The following ATG7 variants were observed in gnomAD, a reference collection of about 807,000 sequenced individuals.
The protein encoded by ATG7 is ubiquitin-like modifier-activating enzyme ATG7.
Under a neutral mutation model 82.4 loss-of-function variants are expected in ATG7, and 70 were observed. That is an observed-to-expected ratio of 0.85 (90% confidence interval 0.70 to 1.04). The LOEUF (loss-of-function observed/expected upper bound fraction) is 1.04, where lower values mean the gene tolerates loss of function less well. Among genes scored for constraint, ATG7 ranks in the 50% least tolerant of loss-of-function variants. The pLI, the probability that ATG7 is intolerant of heterozygous loss-of-function variation, is 0.00. For synonymous variants in ATG7, 287 were observed against 313.0 expected, an observed-to-expected ratio of 0.92 and a Z score of 0.88; for missense variants, 792 against 864.3, an observed-to-expected ratio of 0.92 and a Z score of 1.05.
chr3:11,410,697 G>C (rs1314606171), intron 19 of ATG7, among the ~76,000 whole-genome samples: 18 of 152,106 alleles, frequency 1.2e-4, no homozygotes, highest in Admixed American at 1.2e-3. Flanking sequence ...TTAGTATAAT[G>C]CTCTCAAAGT....
At chr3:11,457,892 C>G (rs866773233) in intron 20 of ATG7, among the ~76,000 whole-genome samples, 2 of 152,144 alleles carry the variant, frequency 1.3e-5, no homozygotes, top group Non-Finnish European at 2.9e-5. Flanking sequence ...ATAATATACC[C>G]TCAGGACCGG....
chr3:11,446,559 C>A, intron 20 of ATG7: 1 of 429,934 alleles, frequency 2.3e-6, no homozygotes, highest in South Asian at 1.7e-5. Context: ...AACACACATC[C>A]AATGACAGTG....
chr3:11,492,866 G>A (rs1293221568), intron 20 of ATG7, among the ~76,000 whole-genome samples: 1 of 152,260 alleles, frequency 6.6e-6, no homozygotes, highest in East Asian at 1.9e-4. Flanking sequence ...AGACCCCACG[G>A]CAGTGTCCAG....
rs548352848 is a variant in ATG7, at chr3:11,286,402, G to A, written c.-11+3964G>A. 2.2e-4 allele frequency among the ~76,000 whole-genome samples: 34 copies of A among 152,174 alleles called. No homozygotes were observed. The South Asian group carries it at 5.8e-3, about 26-fold the overall frequency. On this transcript the variant is annotated intron_variant, in intron 3 of 20. Transcript: ENST00000693202. ...GACCTAAGTTATATGGCATATCGTCGTATGTTCTTCATGATTCCTTACTCC... is the reference window on the plus strand; with the variant it reads ...GACCTAAGTTATATGGCATATCGTCATATGTTCTTCATGATTCCTTACTCC...
At chr3:11,345,810 T>C (rs536537762) in intron 13 of ATG7, among the ~76,000 whole-genome samples, 4 of 152,198 alleles carry the variant, frequency 2.6e-5, no homozygotes, top group Non-Finnish European at 5.9e-5. Context: ...TTACTGTCTT[T>C]TTCTAGGTTC....
At chr3:11,378,402 G>A in intron 18 of ATG7, among the ~76,000 whole-genome samples, 1 of 151,306 alleles carries the variant, frequency 6.6e-6, no homozygotes, top group East Asian at 2.0e-4. Flanking sequence ...ATAAATTCGG[G>A]CTGGGCGCGG....
At chr3:11,569,036 C>G in the ATG7 span, 265 of 728,394 alleles carry the variant, frequency 3.6e-4, 1 homozygote, top group African/African-American at 3.9e-3. Flanking sequence ...GCCACACGCT[C>G]TCTAAGCTAA....
chr3:11,542,358 GAGACCTAGAGCAGC>G (rs895495028), intron 20 of ATG7, among the ~76,000 whole-genome samples: 10 of 152,246 alleles, frequency 6.6e-5, no homozygotes, highest in Non-Finnish European at 1.0e-4. Context: ...ATAAGAGGGG[GAGACCTAGAGCAGC>G]CTGTCGCTGT....
At chr3:11,273,354 T>C (rs1337917006) in intron 1 of ATG7, among the ~76,000 whole-genome samples, 2 of 152,184 alleles carry the variant, frequency 1.3e-5, no homozygotes, top group East Asian at 1.9e-4. Context: ...GTTGCTCCTG[T>C]TTGGTCCTCC....
intron 20 of ATG7, among the ~76,000 whole-genome samples, chr3:11,532,646 C>T (rs921884382): frequency 8.5e-5 from 13 of 152,156 alleles, no homozygotes; most frequent in African/African-American, 2.9e-4. Flanking sequence ...CTGCTTGAGT[C>T]CCCAAGGCCG....
At chr3:11,542,113 G>A (rs938524166) in intron 20 of ATG7, among the ~76,000 whole-genome samples, 5 of 152,224 alleles carry the variant, frequency 3.3e-5, no homozygotes, top group South Asian at 2.1e-4. Context: ...CTAGCCATTC[G>A]CGTCAGCGAC....
At chr3:11,444,496 C>T (rs1330449916) in intron 20 of ATG7, among the ~76,000 whole-genome samples, 1 of 152,120 alleles carries the variant, frequency 6.6e-6, no homozygotes, top group Non-Finnish European at 1.5e-5. Context: ...GGTGATATCA[C>T]CCTCTTTGTG....
chr3:11,523,985 C>G (rs1243533089), intron 20 of ATG7, among the ~76,000 whole-genome samples: 1 of 152,214 alleles, frequency 6.6e-6, no homozygotes, highest in Non-Finnish European at 1.5e-5. Context: ...CATGTTGACA[C>G]TAGCTGTGGG....
chr3:11,574,781 A>ATGTGTGTG, the ATG7 span, among the ~76,000 whole-genome samples: 12 of 121,012 alleles, frequency 9.9e-5, no homozygotes, highest in African/African-American at 3.0e-4. Flanking sequence ...CAATTCAACT[A>ATGTGTGTG]TATATGTGTG....
chr3:11,370,091 G>T (rs1016589240), intron 18 of ATG7, among the ~76,000 whole-genome samples: 1 of 151,118 alleles, frequency 6.6e-6, no homozygotes, highest in Admixed American at 6.6e-5. Context: ...TAAGTCACAC[G>T]TACTAAGCAT....
At chr3:11,487,389 C>T (rs1452311016) in intron 20 of ATG7, among the ~76,000 whole-genome samples, 1 of 49,918 alleles carries the variant, frequency 2.0e-5, no homozygotes, top group Non-Finnish European at 5.3e-5. Flanking sequence ...CAGAGGGGCT[C>T]CTCACTTCCC....
At chr3:11,301,217 T>C (rs1352393889) in intron 5 of ATG7, among the ~76,000 whole-genome samples, 2 of 152,148 alleles carry the variant, frequency 1.3e-5, no homozygotes, top group African/African-American at 2.4e-5. Flanking sequence ...GATTAAGTCA[T>C]TGTGGTCCTT....
chr3:11,335,294 G>A (rs1315700619), intron 11 of ATG7, among the ~76,000 whole-genome samples: 3 of 152,044 alleles, frequency 2.0e-5, no homozygotes, highest in African/African-American at 7.2e-5. Context: ...TCGCAGGGGT[G>A]TCCAATCTTT....
intron 20 of ATG7, among the ~76,000 whole-genome samples, chr3:11,472,018 T>C (rs763471494): frequency 2.0e-4 from 30 of 152,172 alleles, no homozygotes; most frequent in Admixed American, 7.2e-4. Flanking sequence ...ATTACAGGCG[T>C]GAGCCACCAC....
Sources: allele counts gnomAD v4.1 joint callset (sites outside exome capture counted in the v4.1 genomes callset), GRCh38; gene constraint gnomAD v4.1.1; transcripts MANE v1.5; gene names NCBI Gene and HGNC (gene_info 2026-07-23, HGNC 2026-07-21).